The following FGGY variants were observed in gnomAD, a reference collection of about 807,000 sequenced individuals.
The protein encoded by FGGY is FGGY carbohydrate kinase domain-containing protein.
Under a neutral mutation model 71.3 loss-of-function variants are expected in FGGY, and 72 were observed. That is an observed-to-expected ratio of 1.01 (90% CI 0.84 to 1.23). FGGY has a LOEUF of 1.23. Ranked by LOEUF, FGGY falls within the 50% of genes most tolerant of loss-of-function variation. The probability of loss-of-function intolerance (pLI) is 0.00; values close to 1 mark genes in which losing one functional copy is unlikely to be tolerated. For synonymous variants in FGGY, 251 were observed against 250.3 expected, an observed-to-expected ratio of 1.00 and a Z score of -0.02; for missense variants, 668 against 682.3, an observed-to-expected ratio of 0.98 and a Z score of 0.23.
At chr1:59,739,582 A>G (rs1418662925) in intron 14 of FGGY, among the ~76,000 whole-genome samples, 1 of 152,102 alleles carries the variant, frequency 6.6e-6, no homozygotes, top group Non-Finnish European at 1.5e-5. Flanking sequence ...TGATAACCCT[A>G]CCACTAACTA....
chr1:59,538,524 G>A (rs1440028143), intron 7 of FGGY, among the ~76,000 whole-genome samples: 1 of 148,400 alleles, frequency 6.7e-6, no homozygotes, highest in Non-Finnish European at 1.5e-5. Flanking sequence ...AAATCATGCT[G>A]CTATAAAGAC....
intron 8 of FGGY, among the ~76,000 whole-genome samples, chr1:59,591,764 C>T (rs1458246591): frequency 6.6e-6 from 1 of 152,204 alleles, no homozygotes; most frequent in Non-Finnish European, 1.5e-5. Context: ...GGATTCCTTC[C>T]TTACACCTTA....
chr1:59,327,983 G>T (rs1340664339), intron 2 of FGGY, among the ~76,000 whole-genome samples: 1 of 152,188 alleles, frequency 6.6e-6, no homozygotes, highest in South Asian at 2.1e-4. Flanking sequence ...AGGCTTTGTT[G>T]TTCCATTTCT....
At chr1:59,759,714 C>T (rs184485756) in intron 15 of FGGY, among the ~76,000 whole-genome samples, 2 of 152,256 alleles carry the variant, frequency 1.3e-5, no homozygotes, top group Admixed American at 6.5e-5. Context: ...ATCTCATTGC[C>T]TAATAGATCA....
At chr1:59,491,057 T>TCTTTCTTTCCCTCCCTCCCTCCCTC (rs1318831232) in intron 6 of FGGY, among the ~76,000 whole-genome samples, 1 of 13,690 alleles carries the variant, frequency 7.3e-5, no homozygotes, top group Non-Finnish European at 1.4e-4. Context: ...CTTCCTTCCT[T>TCTTTCTTTCCCTCCCTCCCTCCCTC]CCTTCCTTCC....
intron 10 of FGGY, chr1:59,626,674 G>A (rs2096859582): frequency 6.6e-6 from 1 of 152,242 alleles, no homozygotes; most frequent in Admixed American, 6.5e-5. Flanking sequence ...GGCCAACATG[G>A]TGAAACCCCA....
chr1:59,339,714 C>A (rs531059959), intron 2 of FGGY, among the ~76,000 whole-genome samples: 95 of 151,470 alleles, frequency 6.3e-4, no homozygotes, highest in African/African-American at 2.3e-3. Context: ...CTACCCACTT[C>A]GGCCTCCCAA....
chr1:59,522,062 A>G (rs2094848539), intron 7 of FGGY, among the ~76,000 whole-genome samples: 1 of 152,230 alleles, frequency 6.6e-6, no homozygotes, highest in Admixed American at 6.5e-5. Flanking sequence ...TTGAATACCT[A>G]TGCTGTGCCA....
chr1:59,517,902 T>C lies in FGGY; in HGVS notation c.799+5463T>C, dbSNP rs534833994. Among the ~76,000 whole-genome samples, 12 of 152,360 alleles carry C rather than the reference T, an allele frequency of 7.9e-5. No homozygotes were observed. The South Asian group carries it at 2.5e-3, about 32-fold the overall frequency. ...GGCAATTGTCCCTATACAATAGTTA[T>C]ACTTGGCTTATTTCTGCAGGAGCAA... On this transcript the variant is annotated intron_variant, in intron 7 of 15. Coordinates refer to ENST00000303721, the MANE Select transcript of FGGY (RefSeq NM_018291.5).
At chr1:59,742,253 C>T (rs541507758) in intron 14 of FGGY, among the ~76,000 whole-genome samples, 2 of 152,170 alleles carry the variant, frequency 1.3e-5, no homozygotes, top group African/African-American at 2.4e-5. Context: ...ATCTTCCTTC[C>T]GCTACAGAAA....
chr1:59,619,685 G>A lies in FGGY; in HGVS notation c.1012-6303G>A, dbSNP rs77279778. Among the ~76,000 whole-genome samples the A allele has an allele frequency of 3.0e-3, 453 of 152,126 alleles. 5 individuals carry two copies. The highest frequency in any genetic ancestry group is 0.01 in the African/African-American group (431 of 41,500). ...AGAGGTGATAGGGTCTACATTATTGGCCACAGTAATAGTTTTTACTCTCAG... is the reference window on the plus strand; with the variant it reads ...AGAGGTGATAGGGTCTACATTATTGACCACAGTAATAGTTTTTACTCTCAG... On this transcript the variant is annotated intron_variant, in intron 9 of 15. Coordinates refer to ENST00000303721, the MANE Select transcript of FGGY (RefSeq NM_018291.5).
At chr1:59,419,419 C>G (rs963264263) in intron 5 of FGGY, among the ~76,000 whole-genome samples, 2 of 152,148 alleles carry the variant, frequency 1.3e-5, no homozygotes, top group African/African-American at 4.8e-5. Flanking sequence ...AACCTACTCA[C>G]TATGAGCTGA....
At chr1:59,717,092 G>T (rs2097850939) in intron 14 of FGGY, among the ~76,000 whole-genome samples, 1 of 152,068 alleles carries the variant, frequency 6.6e-6, no homozygotes. Context: ...TGTGATGTAG[G>T]TATCATCCTG....
intron 15 of FGGY, among the ~76,000 whole-genome samples, chr1:59,760,076 A>G (rs754455184): frequency 2.0e-5 from 3 of 152,212 alleles, no homozygotes; most frequent in Non-Finnish European, 2.9e-5. Context: ...GAATATATAA[A>G]TGTATAAAGA....
intron 5 of FGGY, among the ~76,000 whole-genome samples, chr1:59,435,494 C>T (rs1057442490): frequency 6.6e-6 from 1 of 152,116 alleles, no homozygotes; most frequent in African/African-American, 2.4e-5. Flanking sequence ...GCCTCTCTTG[C>T]CAGCCTTGCC....
chr1:59,570,103 T>C (rs771200506), intron 8 of FGGY, among the ~76,000 whole-genome samples: 6 of 152,310 alleles, frequency 3.9e-5, no homozygotes, highest in Non-Finnish European at 7.4e-5. Context: ...CCTGGGTAAC[T>C]GTTTTAAAAA....
chr1:59,335,578 G>T (rs1202255184), intron 2 of FGGY, among the ~76,000 whole-genome samples: 3 of 152,042 alleles, frequency 2.0e-5, no homozygotes, highest in African/African-American at 4.8e-5. Flanking sequence ...TTAATATTTT[G>T]TATTGAAGTT....
intron 8 of FGGY, among the ~76,000 whole-genome samples, chr1:59,601,479 G>C (rs895076523): frequency 3.3e-5 from 5 of 152,196 alleles, no homozygotes; most frequent in Admixed American, 3.3e-4. Context: ...ATGGAAAGAG[G>C]CTTCTAATCC....
At chr1:59,587,155 C>G (rs549975305) in intron 8 of FGGY, among the ~76,000 whole-genome samples, 1 of 152,350 alleles carries the variant, frequency 6.6e-6, no homozygotes, top group East Asian at 1.9e-4. Flanking sequence ...CCGCACCTGG[C>G]TTGGAGGGTC....
Sources: gnomAD v4.1 joint callset for allele counts (sites outside exome capture counted in the v4.1 genomes callset) on GRCh38, gnomAD v4.1.1 for gene constraint, MANE v1.5 for transcripts, NCBI Gene and HGNC (gene_info 2026-07-23, HGNC 2026-07-21) for gene names.